Variants in AGBL5 observed in about 807,000 individuals in gnomAD.
AGBL5 encodes AGBL carboxypeptidase 5.
A neutral mutation model predicts 88.0 loss-of-function variants in AGBL5; 51 were observed. That is an observed-to-expected ratio of 0.58 (90% CI 0.46 to 0.73). The LOEUF (loss-of-function observed/expected upper bound fraction) is 0.73. AGBL5 is among the 30% of genes least tolerant of loss of function. AGBL5 has a pLI of 0.00. For missense variants in AGBL5, 1,031 were observed against 1,162.2 expected, an observed-to-expected ratio of 0.89 and a Z score of 1.64; for synonymous variants, 446 against 438.8, an observed-to-expected ratio of 1.02 and a Z score of -0.21.
In AGBL5 at chr2:27,057,330, T is replaced by C; in HGVS notation, c.1563T>C (p.Thr521=). The C allele has an allele frequency of 1.2e-6, 2 of 1,614,008 alleles. No individual in the cohort carries two copies. Among genetic ancestry groups the C allele is most frequent in the Non-Finnish European group, 1.7e-6 (2 of 1,179,954 alleles). The change falls in exon 9 of 15, where the codon ACT becomes ACC. Residue 521 remains threonine, a synonymous_variant. Coordinates refer to ENST00000360131, the MANE Select transcript of AGBL5 (RefSeq NM_021831.6). ...HSYTLECNYN[T]GRSVNSIPAA... ...ACACACTTGAATGCAACTACAACAC[T>C]GGACGCTCAGTAAACAGCATCCCTG...
chr2:27,059,537 C>T, intron 11 of AGBL5, 133 bp downstream of exon 11: 29 of 1,527,190 alleles, frequency 1.9e-5, no homozygotes, highest in Non-Finnish European at 2.5e-5. Context: ...GTAGCAGAAC[C>T]TGTGGCCTCT....
At chr2:27,054,521 A>G in intron 4 of AGBL5, 109 bp from the exon 5 acceptor site, 1 of 1,077,730 alleles carries the variant, frequency 9.3e-7, no homozygotes, top group African/African-American at 1.6e-5. Context: ...ATAAGGCCCC[A>G]AAGGTTAGGG....
chr2:27,055,950 G>C lies in AGBL5; in HGVS notation c.1177G>C (p.Glu393Gln). 3 of 1,614,246 alleles carry C rather than the reference G, an allele frequency of 1.9e-6. No individual in the cohort carries two copies. Among genetic ancestry groups the C allele is most frequent in the Non-Finnish European group, 2.5e-6 (3 of 1,180,042 alleles). The stretch of plus-strand genomic sequence containing the variant: ...TAACGCTGAAGCCTGGAAACAAACA[G>C]AGCCAGCAGAACAGAAGCTCAACAG... ...RHNAEAWKQT[E>Q]PAEQKLNSVW... The change falls in exon 7 of 15, where the codon GAG becomes CAG. Residue 393 changes from glutamate to glutamine, a missense_variant. Glu to Gln is a conservative substitution (Grantham distance 29). Around this residue, in one of 2 missense-constraint regions of AGBL5, gnomAD observed 540 missense variants for 678.2 expected, o/e 0.80. Transcript: ENST00000360131.
At position 27,055,904 on chromosome 2, in the gene AGBL5, T is replaced by G. The variant is rs1197648286; in HGVS notation, c.1131T>G (p.Cys377Trp). 1 of 1,614,062 alleles carries G rather than the reference T, an allele frequency of 6.2e-7. No individual in the cohort carries two copies. Among genetic ancestry groups the G allele is most frequent in the African/African-American group, 1.3e-5 (1 of 74,928 alleles). ...ACAATCTCCAAAATGAAGCTCAGTG[T>G]GGGCACTCAGCTGACAGGCATAACG... ...KANNLQNEAQ[C>W]GHSADRHNAE... is the part of the protein sequence containing the mutation. The change falls in exon 7 of 15, where the codon TGT becomes TGG. Residue 377 changes from cysteine (C) to tryptophan (W), a missense_variant. Physicochemically the swap from Cys to Trp is radical, Grantham distance 215. Around this residue, in one of 2 missense-constraint regions of AGBL5, gnomAD observed 540 missense variants for 678.2 expected, o/e 0.80. Coordinates refer to ENST00000360131, the MANE Select transcript of AGBL5 (RefSeq NM_021831.6).
intron 4 of AGBL5, chr2:27,054,384 T>A: frequency 1.8e-6 from 1 of 559,320 alleles, no homozygotes; most frequent in East Asian, 2.9e-5. Flanking sequence ...CAACTCCGAC[T>A]ACATTAAGTA....
Position 27,069,682 on chromosome 2 carries a change from T to C in AGBL5, c.2465T>C (p.Leu822Pro), listed in dbSNP as rs2148309229. 4 of 1,614,108 alleles carry C rather than the reference T, an allele frequency of 2.5e-6. No individual in the cohort carries two copies. Among genetic ancestry groups the C allele is most frequent in the Non-Finnish European group, 3.4e-6 (4 of 1,179,984 alleles). ...ACCAGGGAGAGCAGTGAGCTGGAGC[T>C]GGGATCCTGCTCTGCTACACCAGGG... is the stretch of plus-strand genomic sequence containing the variant. Reference protein sequence around the residue: ...PRTRESSELELGSCSATPGLP... With the variant: ...PRTRESSELEPGSCSATPGLP... Residue 822 changes from leucine to proline, a missense_variant, in exon 14 of 15, where the codon CTG (leucine) becomes CCG (proline). Leu to Pro is a moderately conservative substitution (Grantham distance 98, BLOSUM62 -3). Around this residue, in one of 2 missense-constraint regions of AGBL5, gnomAD observed 491 missense variants for 484.0 expected, o/e 1.01. Transcript: ENST00000360131.
chr2:27,057,616 A>C (rs1668503255), intron 9 of AGBL5, among the ~76,000 whole-genome samples, 178 bp downstream of exon 9: 1 of 152,254 alleles, frequency 6.6e-6, no homozygotes, highest in African/African-American at 2.4e-5. Context: ...TAGTATTGAA[A>C]GGATGAACAG....
upstream of AGBL5, chr2:27,051,161 A>C (rs1239020458): frequency 6.6e-6 from 1 of 152,294 alleles, no homozygotes; most frequent in African/African-American, 2.4e-5. Flanking sequence ...TCCACTGGTC[A>C]GTGAACAGTG....
At chr2:27,058,674 G>C (rs988428356) in intron 10 of AGBL5, 72 bp downstream of exon 10, 2 of 1,510,304 alleles carry the variant, frequency 1.3e-6, no homozygotes, top group African/African-American at 2.8e-5. Context: ...GAGTTCCAAG[G>C]GATTTATATT....
In AGBL5 at chr2:27,058,389, C is replaced by G; in HGVS notation, c.1672-11C>G. Reference sequence around the variant, plus strand: ...GACCAGCATGCTGAGCCAAACTGGACTACCCCACAGGTGGGACGAGCTATG... The same window carrying G: ...GACCAGCATGCTGAGCCAAACTGGAGTACCCCACAGGTGGGACGAGCTATG... On this transcript the variant is annotated splice_polypyrimidine_tract_variant and intron_variant, in intron 9 of 14. Coordinates refer to ENST00000360131, the MANE Select transcript of AGBL5 (RefSeq NM_021831.6). The G allele has an allele frequency of 2.5e-6, 4 of 1,612,576 alleles. No homozygotes were observed. The highest frequency in any genetic ancestry group is 3.4e-6 in the Non-Finnish European group (4 of 1,179,990).
intron 8 of AGBL5, chr2:27,057,003 AAAAC>A: frequency 1.7e-6 from 1 of 595,194 alleles, no homozygotes; most frequent in East Asian, 3.0e-5. Flanking sequence ...TCTCAAAAAA[AAAAC>A]AAAAAACAAC....
At position 27,070,251 on chromosome 2, in the gene AGBL5, T is replaced by G; in HGVS notation, c.2649T>G (p.Ser883=). Residue 883 remains serine, a synonymous_variant, in exon 15 of 15, where the codon TCT becomes TCG. Transcript: ENST00000360131. ...CTAAATCTCCCCCACTGACTGTTTC[T>G]CCCCGGGTCTGATAATGCCTTTATG... ...FVPKSPPLTV[S]PRV is the part of the protein sequence containing the mutation. The G allele has an allele frequency of 6.2e-7, 1 of 1,614,202 alleles. No individual in the cohort carries two copies. The highest frequency in any genetic ancestry group is 8.5e-7 in the Non-Finnish European group (1 of 1,180,026).
At position 27,053,906 on chromosome 2, in the gene AGBL5, C is replaced by T. The variant is rs769641954; in HGVS notation, c.398C>T (p.Thr133Met). ...RDRPTFEMTE[T>M]QFVLSFVHRF... is the part of the protein sequence containing the mutation. ...TCCTCTGCTCTTCAGATGACAGAGA[C>T]GCAGTTTGTGTTATCCTTTGTTCAT... Residue 133 changes from threonine to methionine, a missense_variant, in exon 4 of 15, where the codon ACG becomes ATG. By Grantham distance (81) the Thr-to-Met change is moderately conservative. Around this residue, in one of 2 missense-constraint regions of AGBL5, gnomAD observed 540 missense variants for 678.2 expected, o/e 0.80. Transcript: ENST00000360131. This position sits in a 1 kb window ranked among gnomAD's most constrained non-coding sequence, Gnocchi z 4.9. 6.2e-6 allele frequency: 10 copies of T among 1,612,944 alleles called. No homozygotes were observed. The highest frequency in any genetic ancestry group is 4.5e-5 in the East Asian group (2 of 44,866).
At position 27,053,016 on chromosome 2, in the gene AGBL5, G is replaced by T; in HGVS notation, c.58G>T (p.Ala20Ser). Residue 20 changes from alanine to serine, a missense_variant, in exon 2 of 15, where the codon GCC (alanine) becomes TCC (serine). Ala to Ser is a moderately conservative substitution (Grantham distance 99). This residue lies in a region of AGBL5 where 540 missense variants were observed against 678.2 expected (regional missense o/e 0.80). Coordinates refer to ENST00000360131, the MANE Select transcript of AGBL5 (RefSeq NM_021831.6). This position sits in a 1 kb window ranked among gnomAD's most constrained non-coding sequence, Gnocchi z 4.9. ...FSSRFDSGNLAHVEKVESLSS... is the reference protein window; with the variant it reads ...FSSRFDSGNLSHVEKVESLSS... ...TTCTCGCTTTGATTCAGGGAATCTA[G>T]CCCACGTGGAGAAGGTGGAATCTTT... 1.2e-6 allele frequency: 2 copies of T among 1,613,774 alleles called. No individual in the cohort carries two copies. The highest frequency in any genetic ancestry group is 1.7e-6 in the Non-Finnish European group (2 of 1,179,870).
At chr2:27,057,830 C>CT (rs1313208536) in intron 9 of AGBL5, among the ~76,000 whole-genome samples, 4 of 152,222 alleles carry the variant, frequency 2.6e-5, no homozygotes, top group African/African-American at 9.6e-5. Context: ...AATCCCAGCA[C>CT]TTTGGGAGGC....
At chr2:27,069,044 C>T (rs981790839) in intron 13 of AGBL5, 67 of 1,377,870 alleles carry the variant, frequency 4.9e-5, no homozygotes, top group Non-Finnish European at 6.0e-5. Flanking sequence ...CTCTTTCTGC[C>T]CAGACCTGTC....
intron 12 of AGBL5, among the ~76,000 whole-genome samples, chr2:27,068,206 A>C (rs930973450): frequency 2.6e-5 from 4 of 152,206 alleles, no homozygotes; most frequent in Non-Finnish European, 5.9e-5. Flanking sequence ...GGTAGCACTG[A>C]ACCCACCAGT....
chr2:27,059,765 G>T (rs945771419), intron 11 of AGBL5, among the ~76,000 whole-genome samples: 1 of 152,194 alleles, frequency 6.6e-6, no homozygotes. Flanking sequence ...AATGTCCTCA[G>T]AATCCAAACT....
chr2:27,055,618 A>G (rs561530750), intron 6 of AGBL5, 64 bp from the exon 7 acceptor site: 2 of 1,450,334 alleles, frequency 1.4e-6, no homozygotes, highest in African/African-American at 1.4e-5. Context: ...CTTTTCATCT[A>G]CACTAGTGTC....
Sources: allele counts gnomAD v4.1 joint callset (sites outside exome capture counted in the v4.1 genomes callset), GRCh38; gene constraint gnomAD v4.1.1; regional missense constraint gnomAD v4.1.1; non-coding constraint Gnocchi (gnomAD v3.1); transcripts MANE v1.5; gene names NCBI Gene and HGNC (gene_info 2026-07-23, HGNC 2026-07-21).